Variants in TRIO observed in about 807,000 individuals in gnomAD.
The protein encoded by TRIO is trio Rho guanine nucleotide exchange factor.
A neutral mutation model predicts 351.9 loss-of-function variants in TRIO; 58 were observed. That is an observed-to-expected ratio of 0.16 (90% confidence interval 0.13 to 0.21). The LOEUF (loss-of-function observed/expected upper bound fraction) is 0.21, where lower values mean the gene tolerates loss of function less well. Among genes scored for constraint, TRIO ranks in the 10% least tolerant of loss-of-function variants. The pLI is 1.00. For missense variants in TRIO, 3,201 were observed against 4,027.8 expected (o/e 0.79, Z 5.56); for synonymous variants, 1,758 against 1,595.7 (o/e 1.10, Z -2.42).
At chr5:14,183,757 T>G in intron 1 of TRIO, 1 of 504,780 alleles carries the variant, frequency 2.0e-6, no homozygotes. Context: ...AGGGAAGGCA[T>G]GCGGCCGCAG....
chr5:14,490,185 A>G (rs966841993), intron 48 of TRIO, among the ~76,000 whole-genome samples: 2 of 152,212 alleles, frequency 1.3e-5, no homozygotes, highest in Non-Finnish European at 2.9e-5. Flanking sequence ...AGGCTGAGGC[A>G]GGAGAATCGC....
chr5:14,275,989 C>T (rs1303154964), intron 2 of TRIO, among the ~76,000 whole-genome samples: 3 of 145,812 alleles, frequency 2.1e-5, no homozygotes, highest in South Asian at 4.3e-4. Context: ...TATATATATA[C>T]ACACACACAT....
At position 14,485,075 on chromosome 5, in the gene TRIO, T is replaced by A; in HGVS notation, c.6664T>A (p.Cys2222Ser). 1 of 1,527,368 alleles carries A rather than the reference T, an allele frequency of 6.5e-7. No individual in the cohort carries two copies. The highest frequency in any genetic ancestry group is 8.8e-7 in the Non-Finnish European group (1 of 1,131,348). 94.6% of individuals were successfully genotyped at this position (1,527,368 alleles called of 1,614,324 possible). ...ATGTTTTTTTTTTTTTAAGGTGAGT[T>A]GCCTTTGCCTGGAGGAAAATGTGGA... ...FLFKNSIKVSCLCLEENVEND... is the reference protein window; with the variant it reads ...FLFKNSIKVSSLCLEENVEND... The change falls in exon 47 of 57, where the codon TGC (cysteine) becomes AGC (serine). Residue 2222 changes from cysteine to serine, a missense_variant. This residue lies in a region of TRIO where 1,089 missense variants were observed against 954.9 expected (regional missense o/e 1.14). Transcript: ENST00000344204.
chr5:14,180,100 CAAAAAAAAAAAA>C (rs70964542), intron 1 of TRIO, among the ~76,000 whole-genome samples: 2 of 27,752 alleles, frequency 7.2e-5, no homozygotes, highest in Non-Finnish European at 1.4e-4. Flanking sequence ...GACTCCTGCT[CAAAAAAAAAAAA>C]AAAAAAAAAA....
At chr5:14,411,955 G>T (rs1346300906) in intron 33 of TRIO, among the ~76,000 whole-genome samples, 1 of 151,136 alleles carries the variant, frequency 6.6e-6, no homozygotes, top group African/African-American at 2.4e-5. Context: ...TTGGAGACAT[G>T]AGGTTCTATG....
rs1310551046 is a variant in TRIO at position 14,218,544 on chromosome 5, A to T, written c.158-52281A>T. Among the ~76,000 whole-genome samples, 5 of 152,382 alleles carry T rather than the reference A, an allele frequency of 3.3e-5. No homozygotes were observed. In the South Asian group the frequency reaches 1.0e-3, roughly 32 times the overall value. On this transcript the variant is annotated intron_variant, in intron 1 of 56. Transcript: ENST00000344204. Reference sequence around the variant, plus strand: ...AAAAACCTCAAAACCCAACAACATAATAAGAGTAGTTTGTAACTGAAAAGA... The same window carrying T: ...AAAAACCTCAAAACCCAACAACATATTAAGAGTAGTTTGTAACTGAAAAGA...
intron 1 of TRIO, among the ~76,000 whole-genome samples, chr5:14,204,880 T>G (rs1185272700): frequency 3.9e-5 from 6 of 152,178 alleles, no homozygotes. Context: ...TGATTTAATA[T>G]TTGTAAAGAG....
chr5:14,488,051 C>A lies in TRIO; in HGVS notation c.7423C>A (p.Pro2475Thr), dbSNP rs780299553. 2.1e-5 allele frequency: 33 copies of A among 1,609,056 alleles called. No homozygotes were observed. The highest frequency in any genetic ancestry group is 1.7e-4 in the Middle Eastern group (1 of 5,938). Residue 2475 changes from proline to threonine, a missense_variant, in exon 48 of 57, where the codon CCC (proline) becomes ACC (threonine). Physicochemically the swap from Pro to Thr is conservative, Grantham distance 38 (BLOSUM62 -1). This residue lies in a region of TRIO where 1,089 missense variants were observed against 954.9 expected (regional missense o/e 1.14). Coordinates refer to ENST00000344204, the MANE Select transcript of TRIO (RefSeq NM_007118.4). ...TTCTCTCGGCAAGGAGCCCTTCCCC[C>A]CCAGCAGCCCCCTGCAGAAGGGGGG... is the stretch of plus-strand genomic sequence containing the variant. ...VPSLGKEPFPPSSPLQKGGSF... is the reference protein window; with the variant it reads ...VPSLGKEPFPTSSPLQKGGSF...
At chr5:14,343,177 C>T (rs1742103536) in intron 11 of TRIO, among the ~76,000 whole-genome samples, 1 of 151,814 alleles carries the variant, frequency 6.6e-6, no homozygotes, top group Admixed American at 6.6e-5. Context: ...TCTTGCATAA[C>T]CTCAGCACAC....
chr5:14,353,624 C>G (rs1380134869), intron 11 of TRIO, among the ~76,000 whole-genome samples: 1 of 152,130 alleles, frequency 6.6e-6, no homozygotes, highest in East Asian at 1.9e-4. Context: ...GAAAACAGAG[C>G]TGGATCCAGG....
chr5:14,431,470 C>T (rs769973541), intron 34 of TRIO, among the ~76,000 whole-genome samples: 11 of 152,160 alleles, frequency 7.2e-5, no homozygotes, highest in Non-Finnish European at 1.5e-4. Flanking sequence ...CACGGCGGCT[C>T]TGGAATTCTT....
chr5:14,323,529 G>T (rs79523641), intron 9 of TRIO, among the ~76,000 whole-genome samples: 1 of 151,756 alleles, frequency 6.6e-6, no homozygotes, highest in East Asian at 1.9e-4. Context: ...CAGAGAGAGA[G>T]AGGAGTTTAG....
At chr5:14,299,830 G>T (rs1359497930) in intron 7 of TRIO, among the ~76,000 whole-genome samples, 1 of 152,186 alleles carries the variant, frequency 6.6e-6, no homozygotes, top group Non-Finnish European at 1.5e-5. Flanking sequence ...TGACTCCATG[G>T]TTAATGAGCT....
At chr5:14,469,683 A>G (rs1754537286) in intron 37 of TRIO, among the ~76,000 whole-genome samples, 2 of 152,268 alleles carry the variant, frequency 1.3e-5, no homozygotes, top group Non-Finnish European at 2.9e-5. Flanking sequence ...TCTAGCCACA[A>G]CTGCACCGCT....
At chr5:14,449,445 T>C (rs1451896572) in intron 34 of TRIO, among the ~76,000 whole-genome samples, 1 of 152,196 alleles carries the variant, frequency 6.6e-6, no homozygotes, top group Non-Finnish European at 1.5e-5. Context: ...GAGGCCATTT[T>C]CTTTCAAGAC....
intron 31 of TRIO, among the ~76,000 whole-genome samples, chr5:14,405,453 G>A (rs558603017): frequency 1.3e-5 from 2 of 152,324 alleles, no homozygotes; most frequent in African/African-American, 4.8e-5. Flanking sequence ...GTGGGGATTT[G>A]TTCAGTTTCC....
intron 33 of TRIO, among the ~76,000 whole-genome samples, chr5:14,407,200 T>G (rs1748805088): frequency 6.6e-6 from 1 of 152,064 alleles, no homozygotes; most frequent in Non-Finnish European, 1.5e-5. Context: ...GTCCAGGACA[T>G]TATCCAAACA....
chr5:14,146,235 G>A (rs996082663), intron 1 of TRIO, among the ~76,000 whole-genome samples: 1 of 152,156 alleles, frequency 6.6e-6, no homozygotes, highest in African/African-American at 2.4e-5. Flanking sequence ...GGAAGCTGAG[G>A]AGAATGGAGC....
chr5:14,376,158 T>C (rs535077849), intron 19 of TRIO, among the ~76,000 whole-genome samples: 5 of 152,308 alleles, frequency 3.3e-5, no homozygotes, highest in East Asian at 3.9e-4. Flanking sequence ...TTCTTACTTA[T>C]CACAAAGTAC....
Sources: gnomAD v4.1 joint callset for allele counts (sites outside exome capture counted in the v4.1 genomes callset) on GRCh38, gnomAD v4.1.1 for gene constraint, gnomAD v4.1.1 regional missense constraint, MANE v1.5 for transcripts, NCBI Gene and HGNC (gene_info 2026-07-23, HGNC 2026-07-21) for gene names.